CSMD1: variants seen among roughly 807,000 people sequenced by gnomAD.
The protein encoded by CSMD1 is CUB and Sushi multiple domains 1, also known as CUB and sushi domain-containing protein 1.
In CSMD1, 213 loss-of-function variants were observed where a neutral mutation model predicts 417.5. The ratio of observed to expected loss-of-function variants is 0.51; its 90% CI spans 0.46 to 0.57. The LOEUF (loss-of-function observed/expected upper bound fraction) is 0.57, where lower values mean the gene tolerates loss of function less well. Among genes scored for constraint, CSMD1 ranks in the 20% least tolerant of loss-of-function variants. The probability of loss-of-function intolerance (pLI) is 0.00; values close to 1 mark genes in which losing one functional copy is unlikely to be tolerated. For missense variants in CSMD1, 6,923 were observed against 4,529.7 expected (o/e 1.53, Z -15.17); for synonymous variants, 2,862 against 1,736.8 (o/e 1.65, Z -16.11).
At chr8:4,556,217 T>C (rs1275918734) in intron 2 of CSMD1, among the ~76,000 whole-genome samples, 1 of 152,180 alleles carries the variant, frequency 6.6e-6, no homozygotes, top group Non-Finnish European at 1.5e-5. Flanking sequence ...ATACTTTATA[T>C]CAGAAAAGTT....
intron 5 of CSMD1, among the ~76,000 whole-genome samples, chr8:3,926,546 T>C (rs1809743227): frequency 6.6e-6 from 1 of 151,920 alleles, no homozygotes; most frequent in African/African-American, 2.4e-5. Flanking sequence ...AATTGTTTCT[T>C]TTTTGATTTA....
At chr8:4,071,774 A>C (rs1799570895) in intron 3 of CSMD1, among the ~76,000 whole-genome samples, 1 of 151,910 alleles carries the variant, frequency 6.6e-6, no homozygotes, top group African/African-American at 2.4e-5. Context: ...TTTATTTTTT[A>C]TTCCTTGGCA....
intron 8 of CSMD1, among the ~76,000 whole-genome samples, chr8:3,607,521 C>T (rs1441936404): frequency 6.6e-6 from 1 of 152,164 alleles, no homozygotes; most frequent in Non-Finnish European, 1.5e-5. Flanking sequence ...GTACATCTGT[C>T]TTACATCAAG....
intron 3 of CSMD1, among the ~76,000 whole-genome samples, chr8:4,055,895 T>A (rs999585477): frequency 6.6e-5 from 10 of 152,150 alleles, no homozygotes; most frequent in Non-Finnish European, 1.2e-4. Flanking sequence ...TACATACAAA[T>A]GATGAGTCAT....
chr8:4,448,455 T>C (rs912218080), intron 2 of CSMD1, among the ~76,000 whole-genome samples: 1 of 152,196 alleles, frequency 6.6e-6, no homozygotes, highest in African/African-American at 2.4e-5. Context: ...TGGAGCTATT[T>C]TCCCTTAAAT....
chr8:3,155,913 G>T (rs950024891), intron 39 of CSMD1, among the ~76,000 whole-genome samples: 7 of 152,104 alleles, frequency 4.6e-5, no homozygotes, highest in African/African-American at 1.7e-4. Context: ...ATTTTCCTCT[G>T]TACACAATTT....
rs147692674 is a variant in CSMD1, at chr8:3,053,407, G to A, written c.7475-760C>T. On this transcript the variant is annotated intron_variant, in intron 49 of 69. Transcript: ENST00000635120. ...GTGTCGAAATTCCTAAGAATCAGCC[G>A]CCTCAGCTCTGAAAAGTCTTCCCTT... Among the ~76,000 whole-genome samples the A allele has an allele frequency of 7.2e-3, 1,101 of 152,136 alleles. 11 individuals carry two copies. Among genetic ancestry groups the A allele is most frequent in the African/African-American group, 0.023 (961 of 41,492 alleles).
At chr8:4,816,987 A>C (rs1339532025) in intron 1 of CSMD1, among the ~76,000 whole-genome samples, 3 of 152,196 alleles carry the variant, frequency 2.0e-5, no homozygotes, top group African/African-American at 7.2e-5. Context: ...AAACTGCACC[A>C]AACACAGATA....
intron 7 of CSMD1, among the ~76,000 whole-genome samples, chr8:3,637,284 G>C (rs1380794150): frequency 6.6e-6 from 1 of 152,102 alleles, no homozygotes; most frequent in Non-Finnish European, 1.5e-5. Flanking sequence ...TGCTAGTTGT[G>C]TATGCTTGGG....
chr8:4,878,543 A>G (rs928670320), intron 1 of CSMD1, among the ~76,000 whole-genome samples: 3 of 151,950 alleles, frequency 2.0e-5, no homozygotes, highest in African/African-American at 7.3e-5. Context: ...TATTTCTTGT[A>G]CAACCCCCAA....
At chr8:4,390,497 T>TTTTA (rs142679522) in intron 3 of CSMD1, among the ~76,000 whole-genome samples, 3,122 of 140,340 alleles carry the variant, frequency 0.022, 66 homozygotes, top group East Asian at 0.068. Flanking sequence ...AAGCGTCCAT[T>TTTTA]TTTATTTATT....
intron 7 of CSMD1, among the ~76,000 whole-genome samples, chr8:3,662,054 C>T (rs760494832): frequency 2.6e-5 from 4 of 152,138 alleles, no homozygotes; most frequent in African/African-American, 7.2e-5. Context: ...ACATGAAAGG[C>T]AACTGCTCAG....
chr8:3,534,986 C>T (rs564900624), intron 10 of CSMD1, among the ~76,000 whole-genome samples: 15 of 152,256 alleles, frequency 9.9e-5, no homozygotes, highest in Admixed American at 5.2e-4. Context: ...CTGGCTTTGT[C>T]GCCCAGGCTG....
rs140373636 is a variant in CSMD1, at chr8:4,906,011, C to G, written c.85+88321G>C. Among the ~76,000 whole-genome samples, 126 of 152,166 alleles carry G rather than the reference C, an allele frequency of 8.3e-4. 1 individual carries two copies. The highest frequency in any genetic ancestry group is 3.4e-3 in the Middle Eastern group (1 of 292). Reference sequence around the variant, plus strand: ...CACCACTTTTGGCAGGAAGTCTGATCCGATAAATTAAAATAGAAAGCATAT... The same window carrying G: ...CACCACTTTTGGCAGGAAGTCTGATGCGATAAATTAAAATAGAAAGCATAT... On this transcript the variant is annotated intron_variant, in intron 1 of 69. Transcript: ENST00000635120.
chr8:4,698,025 A>C (rs781396413), intron 1 of CSMD1, among the ~76,000 whole-genome samples: 4 of 152,178 alleles, frequency 2.6e-5, no homozygotes, highest in Admixed American at 6.6e-5. Context: ...TCCATAGAGA[A>C]ATAAGATTAT....
At chr8:4,067,626 C>T (rs757435704) in intron 3 of CSMD1, among the ~76,000 whole-genome samples, 6 of 152,070 alleles carry the variant, frequency 3.9e-5, no homozygotes, top group African/African-American at 2.4e-5. Flanking sequence ...CAAAATGACC[C>T]TACATAAACT....
chr8:4,652,576 C>T (rs745584473), intron 1 of CSMD1, among the ~76,000 whole-genome samples: 40 of 151,822 alleles, frequency 2.6e-4, no homozygotes, highest in African/African-American at 5.8e-4. Context: ...CGCTTGAACC[C>T]GGGAGGCAGA....
At chr8:4,945,947 T>C (rs1474081575) in intron 1 of CSMD1, among the ~76,000 whole-genome samples, 1 of 152,138 alleles carries the variant, frequency 6.6e-6, no homozygotes, top group Non-Finnish European at 1.5e-5. Flanking sequence ...GGGAGCTATG[T>C]GCAAGAAAGT....
chr8:4,061,706 T>C (rs1254538161), intron 3 of CSMD1, among the ~76,000 whole-genome samples: 3 of 152,208 alleles, frequency 2.0e-5, no homozygotes, highest in African/African-American at 7.2e-5. Context: ...TCAAGTATCT[T>C]ACATTTATTC....
Sources: gnomAD v4.1 joint callset for allele counts (sites outside exome capture counted in the v4.1 genomes callset) on GRCh38, gnomAD v4.1.1 for gene constraint, MANE v1.5 for transcripts, NCBI Gene and HGNC (gene_info 2026-07-23, HGNC 2026-07-21) for gene names.